FRRS1: variants seen among roughly 807,000 people sequenced by gnomAD.
FRRS1 encodes ferric reductase 1.
FRRS1 carries 51 observed loss-of-function variants against 70.7 expected under a neutral mutation model. The observed-to-expected ratio is 0.72, with a 90% CI of 0.58 to 0.91. The LOEUF (loss-of-function observed/expected upper bound fraction) is 0.91, where lower values mean the gene tolerates loss of function less well. Ranked by LOEUF, FRRS1 falls within the 40% of genes least tolerant of loss-of-function variation. The probability of loss-of-function intolerance (pLI) is 0.00; values close to 1 mark genes in which losing one functional copy is unlikely to be tolerated. For missense variants in FRRS1, 672 were observed against 726.0 expected (o/e 0.93, Z 0.86); for synonymous variants, 225 against 238.7 (o/e 0.94, Z 0.53).
In FRRS1 at chr1:99,760,578, A is replaced by T. The variant is rs569489658; in HGVS notation, c.-106+6029T>A. The stretch of plus-strand genomic sequence containing the variant: ...ACATTTTCAGAGAAGGTTCTAAAAA[A>T]CAAAGAGCATAAAAGTGGCACATTC... On this transcript the variant is annotated intron_variant, in intron 1 of 16. Transcript: ENST00000646001. Among the ~76,000 whole-genome samples the T allele has an allele frequency of 4.6e-5, 7 of 152,350 alleles. 1 individual carries two copies. The East Asian group carries it at 1.3e-3, about 29-fold the overall frequency.
intron 1 of FRRS1, among the ~76,000 whole-genome samples, chr1:99,759,816 T>C (rs1353076901): frequency 6.6e-6 from 1 of 152,220 alleles, no homozygotes; most frequent in Non-Finnish European, 1.5e-5. Context: ...TTTATCTTCT[T>C]ATTAGAGATG....
At chr1:99,743,914 C>T (rs904177754) in intron 4 of FRRS1, among the ~76,000 whole-genome samples, 1 of 152,074 alleles carries the variant, frequency 6.6e-6, no homozygotes, top group Non-Finnish European at 1.5e-5. Flanking sequence ...CGAAGTGCCA[C>T]TAGTGATGCG....
rs113658945 is a variant in FRRS1 at position 99,738,254 on chromosome 1, A to G, written c.591T>C (p.Asp197=). The part of the protein sequence containing the change: ...SHLTKPFSAS[D]CGNKKFCIRS... ...TAATACAGAACTTCTTGTTCCCACA[A>G]TCTGAGGCACTGAACTAGAAAAATG... Residue 197 remains aspartate, a synonymous_variant, in exon 7 of 17, where the codon GAT becomes GAC. Coordinates refer to ENST00000646001, the MANE Select transcript of FRRS1 (RefSeq NM_001361041.2). 2.3e-5 allele frequency: 37 copies of G among 1,599,802 alleles called. No individual in the cohort carries two copies. In the African/African-American group the frequency reaches 2.4e-4, roughly 11 times the overall value.
chr1:99,721,755 C>A (rs1654838180), intron 9 of FRRS1, among the ~76,000 whole-genome samples: 1 of 151,830 alleles, frequency 6.6e-6, no homozygotes, highest in African/African-American at 2.4e-5. Context: ...CCTGCCACTG[C>A]ACCCGGCTAA....
At chr1:99,749,039 GT>G (rs892458979) in intron 1 of FRRS1, 38 bp from the exon 2 acceptor site, 147 of 250,464 alleles carry the variant, frequency 5.9e-4, no homozygotes, top group South Asian at 8.5e-4. Flanking sequence ...TTTCAATGCT[GT>G]TTTTTTTTTC....
chr1:99,717,538 T>C lies in FRRS1; in HGVS notation c.1121-13A>G. ...AACATTAAGGCACCTACAAGTGAGA[T>C]AAATGCAATAGTAGACAATCACAAA... is the stretch of plus-strand genomic sequence containing the variant. On this transcript the variant is annotated splice_polypyrimidine_tract_variant and intron_variant, in intron 10 of 16. Transcript: ENST00000646001. The C allele has an allele frequency of 6.6e-7, 1 of 1,513,906 alleles. No homozygotes were observed. The highest frequency in any genetic ancestry group is 2.3e-5 in the East Asian group (1 of 44,382). The allele number at this position is 1,513,906 out of a possible 1,614,324, so 93.8% of individuals were successfully genotyped here.
chr1:99,761,561 G>C (rs903484007), intron 1 of FRRS1, among the ~76,000 whole-genome samples: 1 of 152,158 alleles, frequency 6.6e-6, no homozygotes, highest in Non-Finnish European at 1.5e-5. Context: ...AAAATTCAGT[G>C]CTAAGTGGAA....
intron 4 of FRRS1, 41 bp from the exon 5 acceptor site, chr1:99,742,314 T>C (rs1656008848): frequency 8.5e-7 from 1 of 1,172,706 alleles, no homozygotes. Context: ...AGTCACTCAA[T>C]AGCTCAGCAT....
intron 7 of FRRS1, among the ~76,000 whole-genome samples, chr1:99,731,808 GT>G (rs1655403867): frequency 6.6e-6 from 1 of 152,092 alleles, no homozygotes; most frequent in African/African-American, 2.4e-5. Context: ...TACAGAAAAC[GT>G]TTTTTGAACC....
chr1:99,737,979 G>C (rs560387100), intron 7 of FRRS1, 107 bp downstream of exon 7: 1 of 857,266 alleles, frequency 1.2e-6, no homozygotes, highest in Non-Finnish European at 1.8e-6. Context: ...CCGACCTCGT[G>C]ATCCACCTGC....
chr1:99,719,060 A>C (rs563042463), intron 10 of FRRS1, among the ~76,000 whole-genome samples: 3 of 113,708 alleles, frequency 2.6e-5, no homozygotes, highest in African/African-American at 1.7e-4. Context: ...ATGCTTACCA[A>C]CAGCTGTGTC....
chr1:99,754,662 A>G (rs1230147781), intron 1 of FRRS1, among the ~76,000 whole-genome samples: 4 of 152,238 alleles, frequency 2.6e-5, no homozygotes, highest in Non-Finnish European at 4.4e-5. Context: ...GCTCACATGG[A>G]ATGTTCACCA....
Position 99,708,838 on chromosome 1 carries a change from T to C in FRRS1, c.*190A>G. Reference sequence around the variant, plus strand: ...AATTACATATAGGGCATGACATTAATTTATAGTCTATATGACCCTCTTGAA... The same window carrying C: ...AATTACATATAGGGCATGACATTAACTTATAGTCTATATGACCCTCTTGAA... On this transcript the variant is annotated 3_prime_UTR_variant, in exon 17 of 17. Transcript: ENST00000646001. 1 of 1,167,588 alleles carries C rather than the reference T, an allele frequency of 8.6e-7. No individual in the cohort carries two copies. Among genetic ancestry groups the C allele is most frequent in the Non-Finnish European group, 1.3e-6 (1 of 787,200 alleles). The allele number at this position is 1,167,588 out of a possible 1,614,324, so 72.3% of individuals were successfully genotyped here.
In FRRS1 at chr1:99,708,533, GC is replaced by G. The variant is rs1184870221; in HGVS notation, c.*494del. 7.4e-6 allele frequency: 1 copy of G among 135,928 alleles called. No individual in the cohort carries two copies. The highest frequency in any genetic ancestry group is 1.5e-5 in the Non-Finnish European group (1 of 64,990). 8.4% of individuals were successfully genotyped at this position (135,928 alleles called of 1,614,324 possible). A position where few individuals can be genotyped will look rare whatever the true frequency, so the allele number is the denominator to read the frequency against. On this transcript the variant is annotated 3_prime_UTR_variant, in exon 17 of 17. Coordinates refer to ENST00000646001, the MANE Select transcript of FRRS1 (RefSeq NM_001361041.2). ...GAATGGTGTGAACCCAGGAGGCAGAGCTTGCAGTGAGCCGAGATTGCACCAC... is the reference window on the plus strand; with the variant it reads ...GAATGGTGTGAACCCAGGAGGCAGAGTTGCAGTGAGCCGAGATTGCACCAC...
chr1:99,748,563 A>C lies in FRRS1; in HGVS notation c.196+10T>G. 6.2e-7 allele frequency: 1 copy of C among 1,607,586 alleles called. No individual in the cohort carries two copies. The highest frequency in any genetic ancestry group is 1.1e-5 in the South Asian group (1 of 90,640). ...ATCCAAAATGTAAACAGTTAATCCC[A>C]GCACGGTACCTTCAATCTGATCTCC... On this transcript the variant is annotated intron_variant, in intron 3 of 16. Coordinates refer to ENST00000646001, the MANE Select transcript of FRRS1 (RefSeq NM_001361041.2).
At chr1:99,716,704 T>C (rs149128616) in intron 11 of FRRS1, among the ~76,000 whole-genome samples, 12 of 152,374 alleles carry the variant, frequency 7.9e-5, no homozygotes, top group Non-Finnish European at 1.8e-4. Context: ...CAGTATTTTT[T>C]TCTACAGGCA....
At chr1:99,753,136 CCAAGAA>C in intron 1 of FRRS1, among the ~76,000 whole-genome samples, 1 of 151,302 alleles carries the variant, frequency 6.6e-6, no homozygotes, top group Non-Finnish European at 1.5e-5. Flanking sequence ...TCCATTGAGC[CCAAGAA>C]TTCAAGGTGG....
At chr1:99,756,529 G>C (rs1368160285) in intron 1 of FRRS1, among the ~76,000 whole-genome samples, 2 of 152,126 alleles carry the variant, frequency 1.3e-5, no homozygotes, top group Non-Finnish European at 2.9e-5. Context: ...GTGGGCCACA[G>C]AAGCAAGTGA....
At chr1:99,715,793 G>A in intron 11 of FRRS1, 121 bp from the exon 12 acceptor site, 39 of 560,578 alleles carry the variant, frequency 7.0e-5, no homozygotes, top group South Asian at 2.3e-4. Context: ...GCATTCAACT[G>A]ACATCTAATC....
Sources: allele counts gnomAD v4.1 joint callset (sites outside exome capture counted in the v4.1 genomes callset), GRCh38; gene constraint gnomAD v4.1.1; transcripts MANE v1.5; gene names NCBI Gene and HGNC (gene_info 2026-07-23, HGNC 2026-07-21).